ZZEF1: variants seen among roughly 807,000 people sequenced by gnomAD.
ZZEF1 encodes zinc finger ZZ-type and EF-hand domain-containing protein 1.
In ZZEF1, 157 loss-of-function variants were observed where a neutral mutation model predicts 342.8. The ratio of observed to expected loss-of-function variants is 0.46; its 90% CI spans 0.40 to 0.52. The LOEUF (loss-of-function observed/expected upper bound fraction) is 0.52, where lower values mean the gene tolerates loss of function less well. Among genes scored for constraint, ZZEF1 ranks in the 20% least tolerant of loss-of-function variants. ZZEF1 has a pLI of 0.00. For missense variants in ZZEF1, 3,480 were observed against 3,725.6 expected (o/e 0.93, Z 1.72); for synonymous variants, 1,505 against 1,429.1 (o/e 1.05, Z -1.20).
chr17:4,131,856 G>C (rs749082799), intron 1 of ZZEF1, among the ~76,000 whole-genome samples: 1 of 152,164 alleles, frequency 6.6e-6, no homozygotes, highest in Admixed American at 6.6e-5. Flanking sequence ...ATAAGGTAAA[G>C]GTCAAAGGGT....
intron 12 of ZZEF1, among the ~76,000 whole-genome samples, chr17:4,090,383 C>T (rs919962882): frequency 6.9e-6 from 1 of 145,784 alleles, no homozygotes; most frequent in Admixed American, 6.8e-5. Flanking sequence ...ATGCTGTGTT[C>T]TCAACTATTC....
intron 1 of ZZEF1, among the ~76,000 whole-genome samples, chr17:4,124,440 G>GCTT (rs1471355577): frequency 6.6e-6 from 1 of 151,998 alleles, no homozygotes; most frequent in Non-Finnish European, 1.5e-5. Context: ...CTTTAGCTGG[G>GCTT]CTTTTTCTTT....
intron 1 of ZZEF1, among the ~76,000 whole-genome samples, chr17:4,132,958 T>A (rs936358183): frequency 2.1e-4 from 31 of 148,962 alleles, no homozygotes; most frequent in African/African-American, 5.6e-4. Flanking sequence ...AGAGCGAGAC[T>A]CCATCTCAAA....
chr17:4,062,622 G>C (rs1486377301), intron 30 of ZZEF1, 131 bp downstream of exon 30: 14 of 1,050,564 alleles, frequency 1.3e-5, no homozygotes, highest in Non-Finnish European at 1.9e-5. Flanking sequence ...TGGAATGAGA[G>C]AATGAATTAA....
chr17:4,079,719 G>A lies in ZZEF1; in HGVS notation c.2829+1657C>T, dbSNP rs79806513. The stretch of plus-strand genomic sequence containing the variant: ...CAAATGATAACCTAGGCACCCTACA[G>A]GTGCTCTGAGGTCCCCATCAGTGAA... On this transcript the variant is annotated intron_variant, in intron 18 of 54. Coordinates refer to ENST00000381638, the MANE Select transcript of ZZEF1 (RefSeq NM_015113.4). Among the ~76,000 whole-genome samples, 1,306 of 152,206 alleles carry A rather than the reference G, an allele frequency of 8.6e-3. 17 individuals carry two copies. Among genetic ancestry groups the A allele is most frequent in the African/African-American group, 0.03 (1,248 of 41,530 alleles).
chr17:4,127,386 G>A (rs2058589231), intron 1 of ZZEF1, among the ~76,000 whole-genome samples: 1 of 152,140 alleles, frequency 6.6e-6, no homozygotes, highest in Non-Finnish European at 1.5e-5. Flanking sequence ...GTTTTTTAAA[G>A]TGTTATTTTG....
At position 4,044,207 on chromosome 17, in the gene ZZEF1, G is replaced by A. The variant is rs1226359240; in HGVS notation, c.6166+17C>T. On this transcript the variant is annotated intron_variant, in intron 38 of 54. Transcript: ENST00000381638. ...TTAAGATGAAAGAGATGAAGATAAT[G>A]GTCAAATAGTCTTTACCTGGAAGTC... 2 of 1,612,396 alleles carry A rather than the reference G, an allele frequency of 1.2e-6. No homozygotes were observed. The highest frequency in any genetic ancestry group is 1.1e-5 in the South Asian group (1 of 90,786).
At position 4,013,535 on chromosome 17, in the gene ZZEF1, C is replaced by A. The variant is rs566900166; in HGVS notation, c.8493G>T (p.Leu2831=). 6 of 1,614,164 alleles carry A rather than the reference C, an allele frequency of 3.7e-6. No homozygotes were observed. Among genetic ancestry groups the A allele is most frequent in the East Asian group, 4.5e-5 (2 of 44,888 alleles). ...CAGTCTGGCGACAGGCCACGCCCAC[C>A]AGCCATTCCCAAATTTTTGCCAATG... ...HLPLAKIWEW[L]VGVACRQTGH... Residue 2831 remains leucine (L), a synonymous_variant, in exon 52 of 55, where the codon CTG becomes CTT. Transcript: ENST00000381638.
chr17:4,041,760 TA>T (rs2056808549), intron 39 of ZZEF1, among the ~76,000 whole-genome samples: 1 of 152,260 alleles, frequency 6.6e-6, no homozygotes, highest in Non-Finnish European at 1.5e-5. Flanking sequence ...AAGGCATACC[TA>T]AACTGTTCAG....
At chr17:4,047,878 T>G (rs188908263) in intron 37 of ZZEF1, among the ~76,000 whole-genome samples, 1 of 148,922 alleles carries the variant, frequency 6.7e-6, no homozygotes, top group African/African-American at 2.5e-5. Flanking sequence ...GAGGTGGAGG[T>G]TGCAGTGAGC....
intron 45 of ZZEF1, among the ~76,000 whole-genome samples, chr17:4,020,331 C>G (rs1475660012): frequency 6.6e-6 from 1 of 152,128 alleles, no homozygotes; most frequent in Non-Finnish European, 1.5e-5. Context: ...CTGTATTTTG[C>G]CAACTGGATT....
In ZZEF1 at chr17:4,008,074, T is replaced by C. The variant is rs1328916868; in HGVS notation, c.8805+809A>G. Among the ~76,000 whole-genome samples, 1 of 151,688 alleles carries C rather than the reference T, an allele frequency of 6.6e-6. No individual in the cohort carries two copies. Among genetic ancestry groups the C allele is most frequent in the African/African-American group, 2.4e-5 (1 of 41,230 alleles). ...CTTTTGGGGTCTGCAAGGTTCATTT[T>C]TGACTTTCCTTCTCCTGAGTATATG... On this transcript the variant is annotated intron_variant, in intron 54 of 54. Coordinates refer to ENST00000381638, the MANE Select transcript of ZZEF1 (RefSeq NM_015113.4). This position sits in a 1 kb window ranked among gnomAD's most constrained non-coding sequence, Gnocchi z 4.2.
In ZZEF1 at chr17:4,092,119, G is replaced by A. The variant is rs572088443; in HGVS notation, c.1914-1289C>T. 1.5e-4 allele frequency among the ~76,000 whole-genome samples: 22 copies of A among 150,492 alleles called. No individual in the cohort carries two copies. In the South Asian group the frequency reaches 4.2e-3, roughly 29 times the overall value. On this transcript the variant is annotated intron_variant, in intron 11 of 54. Transcript: ENST00000381638. The stretch of plus-strand genomic sequence containing the variant: ...TAAAAATAATATAAATAAATAAGAA[G>A]GAGAAAAAGAGCAGTTTTTTCAAGT...
At chr17:4,081,569 A>G (rs1191193211) in intron 17 of ZZEF1, 79 bp from the exon 18 acceptor site, 2 of 1,234,486 alleles carry the variant, frequency 1.6e-6, no homozygotes, top group South Asian at 1.3e-5. Flanking sequence ...TCCAAAACAG[A>G]GCGCAGAAAG....
Position 4,081,407 on chromosome 17 carries a change from A to G in ZZEF1, c.2798T>C (p.Met933Thr), listed in dbSNP as rs752852262. The G allele has an allele frequency of 9.3e-6, 15 of 1,613,758 alleles. No individual in the cohort carries two copies. The highest frequency in any genetic ancestry group is 2.2e-5 in the South Asian group (2 of 91,062). Residue 933 changes from methionine to threonine, a missense_variant, in exon 18 of 55, where the codon ATG (methionine) becomes ACG (threonine). Met to Thr is a moderately conservative substitution (Grantham distance 81). Around this residue, in one of 5 missense-constraint regions of ZZEF1, gnomAD observed 1,528 missense variants for 1,624.1 expected, o/e 0.94. Coordinates refer to ENST00000381638, the MANE Select transcript of ZZEF1 (RefSeq NM_015113.4). ...AGCAGCAACAGAGACGAGAGTGTCC[A>G]TGACCGCCAGGACTTCACTGATGTT... is the stretch of plus-strand genomic sequence containing the variant. The part of the protein sequence containing the change: ...KMNISEVLAV[M>T]DTLVSVAARE...
intron 30 of ZZEF1, 101 bp from the exon 31 acceptor site, chr17:4,059,391 C>T: frequency 6.9e-7 from 1 of 1,446,838 alleles, no homozygotes. Context: ...TGGCAGTCAG[C>T]TGAGCAAAGC....
chr17:4,049,875 A>G lies in ZZEF1; in HGVS notation c.5864-16T>C, dbSNP rs373289878. ...GCTTTAAGGCCTATGTGGGAAGCAA[A>G]TCAGAGAATGGTTAGAAGTTTTATA... On this transcript the variant is annotated splice_polypyrimidine_tract_variant and intron_variant, in intron 36 of 54. Coordinates refer to ENST00000381638, the MANE Select transcript of ZZEF1 (RefSeq NM_015113.4). The G allele has an allele frequency of 6.2e-7, 1 of 1,610,962 alleles. No individual in the cohort carries two copies. Among genetic ancestry groups the G allele is most frequent in the African/African-American group, 1.3e-5 (1 of 74,532 alleles).
chr17:4,029,436 C>A (rs1054608867), intron 42 of ZZEF1, among the ~76,000 whole-genome samples: 2 of 149,362 alleles, frequency 1.3e-5, no homozygotes, highest in African/African-American at 5.0e-5. Flanking sequence ...ATGAAAATGA[C>A]AATATATCAT....
At chr17:4,070,481 G>C (rs776395970) in intron 26 of ZZEF1, among the ~76,000 whole-genome samples, 2 of 152,152 alleles carry the variant, frequency 1.3e-5, no homozygotes, top group Non-Finnish European at 2.9e-5. Context: ...TGCAACTCAA[G>C]GTTAGGTGCC....
Sources: allele counts gnomAD v4.1 joint callset (sites outside exome capture counted in the v4.1 genomes callset), GRCh38; gene constraint gnomAD v4.1.1; regional missense constraint gnomAD v4.1.1; non-coding constraint Gnocchi (gnomAD v3.1); transcripts MANE v1.5; gene names NCBI Gene and HGNC (gene_info 2026-07-23, HGNC 2026-07-21).